SLC14A2: variants seen among roughly 807,000 people sequenced by gnomAD.
SLC14A2 encodes the protein solute carrier family 14 member 2.
In SLC14A2, 91 loss-of-function variants were observed where a neutral mutation model predicts 104.6. The ratio of observed to expected loss-of-function variants is 0.87; its 90% CI spans 0.73 to 1.04. The LOEUF is 1.04. SLC14A2 is among the 50% of genes least tolerant of loss of function. SLC14A2 has a pLI of 0.00. For missense variants in SLC14A2, 1,189 were observed against 1,156.0 expected (o/e 1.03, Z -0.41); for synonymous variants, 476 against 466.4 (o/e 1.02, Z -0.27).
At chr18:45,508,968 C>T (rs1275821405) in intron 2 of SLC14A2, among the ~76,000 whole-genome samples, 7 of 152,160 alleles carry the variant, frequency 4.6e-5, no homozygotes, top group Non-Finnish European at 7.3e-5. Context: ...CCAGCATCCC[C>T]CAAACCTTCA....
Position 45,639,810 on chromosome 18 carries a change from G to A in SLC14A2, c.908G>A (p.Gly303Asp), listed in dbSNP as rs750307643. The A allele has an allele frequency of 2.5e-6, 4 of 1,613,902 alleles. No homozygotes were observed. In the African/African-American group the frequency reaches 4.0e-5, roughly 16 times the overall value. ...GGCTGTGACAATCCCTGGACAGGCGGCGTGTTCCTGGTGGCTCTGTTCATC... is the reference window on the plus strand; with the variant it reads ...GGCTGTGACAATCCCTGGACAGGCGACGTGTTCCTGGTGGCTCTGTTCATC... ...VYGCDNPWTG[G>D]VFLVALFISS... The change falls in exon 7 of 20, where the codon GGC (glycine) becomes GAC (aspartate). Residue 303 changes from glycine to aspartate, a missense_variant. Gly to Asp is a moderately conservative substitution (Grantham distance 94). Coordinates refer to ENST00000255226, the MANE Select transcript of SLC14A2 (RefSeq NM_007163.4).
chr18:45,210,147 A>G (rs1219736295), upstream of SLC14A2, among the ~76,000 whole-genome samples: 1 of 152,206 alleles, frequency 6.6e-6, no homozygotes, highest in East Asian at 1.9e-4. Flanking sequence ...TAGGGTCTGC[A>G]AGACAGAAAC....
chr18:45,217,624 T>G (rs2084022729), intron 1 of SLC14A2, among the ~76,000 whole-genome samples: 1 of 152,180 alleles, frequency 6.6e-6, no homozygotes, highest in South Asian at 2.1e-4. Flanking sequence ...TAGCACAGTC[T>G]TTGTTATCAC....
At chr18:45,219,603 C>A (rs2084042521) in intron 1 of SLC14A2, among the ~76,000 whole-genome samples, 1 of 152,104 alleles carries the variant, frequency 6.6e-6, no homozygotes, top group Admixed American at 6.6e-5. Context: ...GCAAAGAGAG[C>A]TAAAAGAAAA....
At chr18:45,580,164 GTGTAGGAA>G (rs2044469176) in intron 2 of SLC14A2, among the ~76,000 whole-genome samples, 1 of 152,228 alleles carries the variant, frequency 6.6e-6, no homozygotes, top group African/African-American at 2.4e-5. Flanking sequence ...GGTTTTGATT[GTGTAGGAA>G]ATGAGACAAA....
At chr18:45,524,730 G>GT (rs2043567299) in intron 2 of SLC14A2, among the ~76,000 whole-genome samples, 1 of 152,152 alleles carries the variant, frequency 6.6e-6, no homozygotes, top group Non-Finnish European at 1.5e-5. Context: ...AAACACACAG[G>GT]TGTAGACCTA....
intron 2 of SLC14A2, among the ~76,000 whole-genome samples, chr18:45,588,879 GCA>G (rs2144380568): frequency 6.6e-6 from 1 of 152,264 alleles, no homozygotes; most frequent in Non-Finnish European, 1.5e-5. Context: ...GTACAGTCAT[GCA>G]CAGTTTGAAG....
At chr18:45,504,914 A>T (rs2043257932) in intron 2 of SLC14A2, among the ~76,000 whole-genome samples, 1 of 152,230 alleles carries the variant, frequency 6.6e-6, no homozygotes, top group Non-Finnish European at 1.5e-5. Context: ...AGATTCATTT[A>T]TCAGAATAAG....
intron 1 of SLC14A2, among the ~76,000 whole-genome samples, chr18:45,291,518 C>T (rs1191115333): frequency 6.6e-6 from 1 of 152,160 alleles, no homozygotes. Context: ...GAAGCTCAGC[C>T]GTTTTCTCCT....
chr18:45,325,251 A>T (rs2085223544), intron 1 of SLC14A2, among the ~76,000 whole-genome samples: 1 of 152,182 alleles, frequency 6.6e-6, no homozygotes, highest in Admixed American at 6.5e-5. Context: ...AACGTCAGTG[A>T]CCCACACTCG....
chr18:45,567,055 AGTGTGT>A (rs3058364), intron 2 of SLC14A2, among the ~76,000 whole-genome samples: 1,792 of 139,866 alleles, frequency 0.013, 9 homozygotes, highest in African/African-American at 0.028. Context: ...ATGTGCACAT[AGTGTGT>A]GTGTGTGTGT....
chr18:45,276,830 G>A (rs1260339112), intron 1 of SLC14A2, among the ~76,000 whole-genome samples: 1 of 152,226 alleles, frequency 6.6e-6, no homozygotes, highest in African/African-American at 2.4e-5. Context: ...CGTAAAGGTT[G>A]ATGTTTAGAC....
At chr18:45,462,053 A>C (rs1248227966) in intron 1 of SLC14A2, among the ~76,000 whole-genome samples, 4 of 152,210 alleles carry the variant, frequency 2.6e-5, no homozygotes, top group Admixed American at 2.6e-4. Context: ...GCCCTCTCCA[A>C]GCACCAGAAA....
At position 45,682,706 on chromosome 18, in the gene SLC14A2, A is replaced by G. The variant is rs1568009406; in HGVS notation, c.*187A>G. 1.7e-6 allele frequency: 1 copy of G among 598,076 alleles called. No homozygotes were observed. Among genetic ancestry groups the G allele is most frequent in the Non-Finnish European group, 3.0e-6 (1 of 333,068 alleles). The allele number at this position is 598,076 out of a possible 1,614,324, so 37.0% of individuals were successfully genotyped here. A position where few individuals can be genotyped will look rare whatever the true frequency, so the allele number is the denominator to read the frequency against. Reference sequence around the variant, plus strand: ...CTAAGATGCACAACACTTATCAAAGATATGTTTAGTTTAGACTTTATACCC... The same window carrying G: ...CTAAGATGCACAACACTTATCAAAGGTATGTTTAGTTTAGACTTTATACCC... On this transcript the variant is annotated 3_prime_UTR_variant, in exon 20 of 20. Coordinates refer to ENST00000255226, the MANE Select transcript of SLC14A2 (RefSeq NM_007163.4).
At chr18:45,248,715 C>T (rs1267834669) in intron 1 of SLC14A2, among the ~76,000 whole-genome samples, 1 of 152,174 alleles carries the variant, frequency 6.6e-6, no homozygotes, top group Non-Finnish European at 1.5e-5. Flanking sequence ...AATTTTAGCT[C>T]CTGTGACTGG....
At chr18:45,365,713 C>CT (rs1462393680) in intron 1 of SLC14A2, among the ~76,000 whole-genome samples, 1 of 152,188 alleles carries the variant, frequency 6.6e-6, no homozygotes, top group Non-Finnish European at 1.5e-5. Flanking sequence ...AGAGGTCTGT[C>CT]TTTTGATGGT....
intron 10 of SLC14A2, among the ~76,000 whole-genome samples, chr18:45,663,233 A>G (rs890007685): frequency 6.6e-5 from 10 of 152,238 alleles, no homozygotes; most frequent in Non-Finnish European, 1.3e-4. Context: ...TGCTGATGCT[A>G]CTGGTCCAGG....
At chr18:45,328,962 G>A (rs1369890018) in intron 1 of SLC14A2, among the ~76,000 whole-genome samples, 1 of 152,172 alleles carries the variant, frequency 6.6e-6, no homozygotes, top group Non-Finnish European at 1.5e-5. Context: ...CAAAAGTAGA[G>A]ATAATTTGTT....
chr18:45,382,038 T>A lies in SLC14A2; in HGVS notation c.-124-101195T>A, dbSNP rs148983856. The stretch of plus-strand genomic sequence containing the variant: ...CCCTAACAGCTTCTACCTGGCAACC[T>A]TCATTCAACCCAATATTCAGGGCCT... On this transcript the variant is annotated intron_variant, in intron 1 of 20. Transcript: ENST00000586448. 2.0e-5 allele frequency among the ~76,000 whole-genome samples: 3 copies of A among 152,300 alleles called. No individual in the cohort carries two copies. In the East Asian group the frequency reaches 5.8e-4, roughly 29 times the overall value.
Sources: allele counts gnomAD v4.1 joint callset (sites outside exome capture counted in the v4.1 genomes callset), GRCh38; gene constraint gnomAD v4.1.1; transcripts MANE v1.5; gene names NCBI Gene and HGNC (gene_info 2026-07-23, HGNC 2026-07-21).